DPP10: variants seen among roughly 807,000 people sequenced by gnomAD.
DPP10 encodes the protein dipeptidyl peptidase like 10.
In DPP10, 33 loss-of-function variants were observed where a neutral mutation model predicts 120.9. That is an observed-to-expected ratio of 0.27 (90% CI 0.21 to 0.37). The LOEUF (loss-of-function observed/expected upper bound fraction) is 0.37. Among genes scored for constraint, DPP10 ranks in the 10% least tolerant of loss-of-function variants. DPP10 has a pLI of 1.00. For synonymous variants in DPP10, 337 were observed against 326.1 expected, an observed-to-expected ratio of 1.03 and a Z score of -0.36; for missense variants, 816 against 942.8, an observed-to-expected ratio of 0.87 and a Z score of 1.76.
At chr2:115,816,346 C>A (rs1045337388) in intron 21 of DPP10, among the ~76,000 whole-genome samples, 24 of 152,094 alleles carry the variant, frequency 1.6e-4, no homozygotes, top group Non-Finnish European at 4.4e-5. Flanking sequence ...TAAACCTATA[C>A]CTAAATAACA....
chr2:114,711,540 T>C (rs1013913790), intron 1 of DPP10, among the ~76,000 whole-genome samples: 12 of 152,208 alleles, frequency 7.9e-5, no homozygotes, highest in Non-Finnish European at 1.6e-4. Context: ...TAGAATGTAC[T>C]CATAAGACTG....
chr2:114,868,910 G>A (rs552901388), intron 1 of DPP10, among the ~76,000 whole-genome samples: 13 of 152,150 alleles, frequency 8.5e-5, no homozygotes, highest in Middle Eastern at 3.4e-3. Flanking sequence ...TTCAATAACC[G>A]GAGCCTGTTT....
chr2:115,700,172 A>G (rs1313944332), intron 7 of DPP10, among the ~76,000 whole-genome samples: 2 of 152,196 alleles, frequency 1.3e-5, no homozygotes, highest in African/African-American at 4.8e-5. Flanking sequence ...AAGTGATGGT[A>G]CTAAACCATT....
intron 1 of DPP10, among the ~76,000 whole-genome samples, chr2:115,173,080 T>C (rs72955513): frequency 0.011 from 1,749 of 152,316 alleles, 29 homozygotes; most frequent in African/African-American, 0.036. Context: ...GCATTTACTT[T>C]TCTGAATTTG....
At chr2:115,162,170 T>A in intron 1 of DPP10, 5 of 1,544,540 alleles carry the variant, frequency 3.2e-6, no homozygotes, top group Non-Finnish European at 4.4e-6. Flanking sequence ...CAGGCTCTCC[T>A]GCTTCTCCAC....
chr2:115,836,032 C>A, intron 21 of DPP10, 125 bp from the exon 22 acceptor site: 2 of 473,520 alleles, frequency 4.2e-6, no homozygotes, highest in African/African-American at 2.0e-5. Context: ...ATGTACAGTA[C>A]CAAACATTGA....
intron 1 of DPP10, among the ~76,000 whole-genome samples, chr2:114,932,946 A>G (rs1008104813): frequency 6.6e-6 from 1 of 152,180 alleles, no homozygotes; most frequent in Non-Finnish European, 1.5e-5. Context: ...GGCCTTATCT[A>G]TCTTTAAGTG....
intron 1 of DPP10, among the ~76,000 whole-genome samples, chr2:115,212,965 TA>T (rs1320699662): frequency 1.3e-5 from 2 of 152,206 alleles, no homozygotes; most frequent in Non-Finnish European, 2.9e-5. Context: ...TTCATTTATA[TA>T]ATCACAAAAT....
At chr2:115,380,020 T>C (rs535931365) in intron 3 of DPP10, among the ~76,000 whole-genome samples, 10 of 152,284 alleles carry the variant, frequency 6.6e-5, no homozygotes, top group Middle Eastern at 3.4e-3. Context: ...TGAAAAAATA[T>C]ATATTCTGTT....
intron 5 of DPP10, among the ~76,000 whole-genome samples, chr2:115,615,142 A>T (rs1558928273): frequency 6.6e-6 from 1 of 151,970 alleles, no homozygotes; most frequent in Non-Finnish European, 1.5e-5. Flanking sequence ...CCAGAATGTC[A>T]TTACAGAGGA....
At chr2:115,379,425 T>C (rs1405662571) in intron 3 of DPP10, among the ~76,000 whole-genome samples, 7 of 152,222 alleles carry the variant, frequency 4.6e-5, no homozygotes, top group Non-Finnish European at 7.3e-5. Context: ...TTATTGCGAC[T>C]ATTTGATTCT....
intron 17 of DPP10, among the ~76,000 whole-genome samples, chr2:115,785,303 C>T (rs1286345971): frequency 6.6e-6 from 1 of 152,194 alleles, no homozygotes; most frequent in Non-Finnish European, 1.5e-5. Context: ...TTTCTCTTTT[C>T]ACTGTGTTTC....
At chr2:114,882,353 G>A (rs1482177802) in intron 1 of DPP10, among the ~76,000 whole-genome samples, 5 of 152,122 alleles carry the variant, frequency 3.3e-5, no homozygotes, top group African/African-American at 1.2e-4. Flanking sequence ...AATGGCATTT[G>A]CAGCAAGTTG....
At chr2:114,863,394 G>A (rs1013826010) in intron 1 of DPP10, among the ~76,000 whole-genome samples, 1 of 152,086 alleles carries the variant, frequency 6.6e-6, no homozygotes, top group African/African-American at 2.4e-5. Context: ...AGTAAAGTTG[G>A]GTGGGACTGG....
At chr2:114,802,548 G>A (rs958510974) in intron 1 of DPP10, among the ~76,000 whole-genome samples, 3 of 152,258 alleles carry the variant, frequency 2.0e-5, no homozygotes, top group Middle Eastern at 3.4e-3. Flanking sequence ...TGGCCAGAAC[G>A]AAATAACCGA....
intron 1 of DPP10, among the ~76,000 whole-genome samples, chr2:114,995,008 G>A (rs1202635900): frequency 1.3e-5 from 2 of 152,068 alleles, no homozygotes; most frequent in African/African-American, 2.4e-5. Context: ...CCGTTTTGAC[G>A]CTGAGCTTGA....
chr2:114,521,161 G>GTAAGCTAGT (rs1685015316), intron 1 of DPP10, among the ~76,000 whole-genome samples: 1 of 151,910 alleles, frequency 6.6e-6, no homozygotes, highest in Non-Finnish European at 1.5e-5. Context: ...AGTAAAATGA[G>GTAAGCTAGT]TGTAAGCTAG....
intron 21 of DPP10, among the ~76,000 whole-genome samples, chr2:115,821,296 G>T (rs1205608440): frequency 6.6e-6 from 1 of 152,020 alleles, no homozygotes; most frequent in Admixed American, 6.6e-5. Context: ...TGCAACTACA[G>T]AATTATTATA....
intron 4 of DPP10, among the ~76,000 whole-genome samples, chr2:115,516,632 C>T (rs1293481892): frequency 7.0e-6 from 1 of 142,574 alleles, no homozygotes; most frequent in Non-Finnish European, 1.5e-5. Flanking sequence ...ATGGTCAGAT[C>T]CTTATATTTT....
Sources: gnomAD v4.1 joint callset for allele counts (sites outside exome capture counted in the v4.1 genomes callset) on GRCh38, gnomAD v4.1.1 for gene constraint, MANE v1.5 for transcripts, NCBI Gene and HGNC (gene_info 2026-07-23, HGNC 2026-07-21) for gene names.